The following LMBR1 variants were observed in gnomAD, a reference collection of about 807,000 sequenced individuals.
LMBR1 encodes limb region 1 protein homolog.
LMBR1 carries 52 observed loss-of-function variants against 73.9 expected under a neutral mutation model. The observed-to-expected ratio is 0.70, with a 90% confidence interval of 0.56 to 0.89. The LOEUF (loss-of-function observed/expected upper bound fraction) is 0.89, where lower values mean the gene tolerates loss of function less well. LMBR1 is among the 40% of genes least tolerant of loss of function. The pLI is 0.00. For synonymous variants in LMBR1, 215 were observed against 209.4 expected (o/e 1.03, Z -0.23); for missense variants, 539 against 579.8 (o/e 0.93, Z 0.72).
At position 156,806,615 on chromosome 7, in the gene LMBR1, T is replaced by C. The variant is rs1258582560; in HGVS notation, c.320-10123A>G. ...TGTAGATGCTTTTTTTTTTTTTTTTTTTTTTTTTTTTTGAGACGGAGTCTC... is the reference window on the plus strand; with the variant it reads ...TGTAGATGCTTTTTTTTTTTTTTTTCTTTTTTTTTTTTGAGACGGAGTCTC... On this transcript the variant is annotated intron_variant, in intron 4 of 16. Transcript: ENST00000353442. Among the ~76,000 whole-genome samples, 12 of 137,676 alleles carry C rather than the reference T, an allele frequency of 8.7e-5. 1 individual carries two copies. The highest frequency in any genetic ancestry group is 8.7e-4 in the Admixed American group (12 of 13,834). The allele number at this position is 137,676 out of a possible 152,430, so 90.3% of individuals were successfully genotyped here. A position where few individuals can be genotyped will look rare whatever the true frequency, so the allele number is the denominator to read the frequency against.
At chr7:156,840,248 G>T (rs1022350664) in intron 1 of LMBR1, among the ~76,000 whole-genome samples, 1 of 152,116 alleles carries the variant, frequency 6.6e-6, no homozygotes, top group Non-Finnish European at 1.5e-5. Flanking sequence ...GCGAGAAAAA[G>T]ACAATAAATA....
intron 3 of LMBR1, chr7:156,833,337 T>A (rs1180581506): frequency 6.3e-6 from 1 of 158,570 alleles, no homozygotes; most frequent in Non-Finnish European, 1.4e-5. Flanking sequence ...ATCTCACCGG[T>A]GTACATAAGG....
chr7:156,824,097 AAC>A (rs1403482672), intron 4 of LMBR1, among the ~76,000 whole-genome samples: 3 of 42,366 alleles, frequency 7.1e-5, no homozygotes, highest in East Asian at 2.3e-3. Flanking sequence ...CTCAAAAAAC[AAC>A]AACAACAACA....
intron 3 of LMBR1, among the ~76,000 whole-genome samples, chr7:156,831,857 C>A (rs1836756824): frequency 6.6e-6 from 1 of 152,216 alleles, no homozygotes; most frequent in South Asian, 2.1e-4. Context: ...CCACAGGTGG[C>A]ACACAGACTG....
intron 4 of LMBR1, among the ~76,000 whole-genome samples, chr7:156,814,395 C>G (rs1169833526): frequency 1.3e-5 from 2 of 152,218 alleles, no homozygotes; most frequent in Non-Finnish European, 2.9e-5. Flanking sequence ...AGCCTGCAAT[C>G]AGTTTTGTAA....
At chr7:156,837,503 A>G (rs1302548249) in intron 1 of LMBR1, among the ~76,000 whole-genome samples, 1 of 151,974 alleles carries the variant, frequency 6.6e-6, no homozygotes, top group Non-Finnish European at 1.5e-5. Flanking sequence ...TCAGACCATC[A>G]CCACTGACAA....
intron 15 of LMBR1, among the ~76,000 whole-genome samples, chr7:156,710,105 C>T (rs538623723): frequency 3.1e-4 from 47 of 151,850 alleles, no homozygotes; most frequent in African/African-American, 8.2e-4. Context: ...CGGGGTTTCA[C>T]CATGTCAGCC....
rs1009202540 is a variant in LMBR1 at position 156,769,025 on chromosome 7, CTGTTTATA to C, written c.424-5238_424-5231del. On this transcript the variant is annotated intron_variant, in intron 5 of 16. Transcript: ENST00000353442. ...TCGCTTCTCCTCCTGGGGCCCTATA[CTGTTTATA>C]TTGGGCCAAAGGGAAGGCACAGTCC... 3.3e-5 allele frequency among the ~76,000 whole-genome samples: 5 copies of C among 152,318 alleles called. No homozygotes were observed. Among genetic ancestry groups the C allele is most frequent in the Admixed American group, 1.3e-4 (2 of 15,308 alleles).
chr7:156,684,797 A>G (rs566593402), intron 16 of LMBR1, among the ~76,000 whole-genome samples: 25 of 152,170 alleles, frequency 1.6e-4, no homozygotes, highest in Non-Finnish European at 2.6e-4. Flanking sequence ...TGTTCATGAA[A>G]AACACAAAAA....
At chr7:156,712,490 G>C (rs1016682875) in intron 15 of LMBR1, among the ~76,000 whole-genome samples, 1 of 152,210 alleles carries the variant, frequency 6.6e-6, no homozygotes, top group South Asian at 2.1e-4. Context: ...ACTACCATCT[G>C]ATCCAGCAAT....
downstream of LMBR1, chr7:156,675,935 G>A (rs1017349362): frequency 3.4e-6 from 5 of 1,469,362 alleles, no homozygotes; most frequent in Admixed American, 5.2e-5. Context: ...AGTGGCATGT[G>A]GGGGGAGGTC....
At chr7:156,834,339 A>C (rs946945381) in intron 2 of LMBR1, 1 of 155,508 alleles carries the variant, frequency 6.4e-6, no homozygotes, top group Non-Finnish European at 1.4e-5. Context: ...AATGGCTCAC[A>C]CCTGTAATCC....
chr7:156,788,636 A>AG (rs927873982), intron 5 of LMBR1, among the ~76,000 whole-genome samples: 4 of 151,932 alleles, frequency 2.6e-5, no homozygotes, highest in African/African-American at 9.7e-5. Flanking sequence ...GAAAAAAAAA[A>AG]TACTCATAAA....
intron 15 of LMBR1, among the ~76,000 whole-genome samples, chr7:156,712,150 C>T (rs924418185): frequency 6.6e-6 from 1 of 151,968 alleles, no homozygotes; most frequent in Non-Finnish European, 1.5e-5. Context: ...AACTCAACAA[C>T]AATAACAAAA....
rs373790291 is a variant in LMBR1, at chr7:156,713,995, G to A, written c.1225+10117C>T. On this transcript the variant is annotated intron_variant, in intron 15 of 16. Transcript: ENST00000353442. ...ATGTACTACAGAAGCTACAAAGTAAGTATGTAAGACATTTATTCCCTTCAC... is the reference window on the plus strand; with the variant it reads ...ATGTACTACAGAAGCTACAAAGTAAATATGTAAGACATTTATTCCCTTCAC... Among the ~76,000 whole-genome samples the A allele has an allele frequency of 3.9e-5, 6 of 152,324 alleles. No homozygotes were observed. The South Asian group carries it at 1.2e-3, about 32-fold the overall frequency.
intron 5 of LMBR1, among the ~76,000 whole-genome samples, chr7:156,774,312 T>C (rs1171044207): frequency 1.3e-5 from 2 of 152,224 alleles, no homozygotes; most frequent in Non-Finnish European, 2.9e-5. Context: ...TGGCGACTTC[T>C]CAAAGAACTT....
chr7:156,789,491 C>G (rs1217683570), intron 5 of LMBR1, among the ~76,000 whole-genome samples: 4 of 152,166 alleles, frequency 2.6e-5, no homozygotes, highest in African/African-American at 9.7e-5. Context: ...TATAAATACA[C>G]AACTTCTATT....
At position 156,893,139 on chromosome 7, in the gene LMBR1, G is replaced by A. The variant is rs751044177; in HGVS notation, c.-146C>T. ...GTGTTGGAACAGGTACCGCGACCAC[G>A]ACACCGGCCGTCGCCTCAGCAGCCT... On this transcript the variant is annotated 5_prime_UTR_variant, in exon 1 of 17. Transcript: ENST00000353442. 1.5e-3 allele frequency: 1,082 copies of A among 708,826 alleles called. 1 individual carries two copies. Among genetic ancestry groups the A allele is most frequent in the Non-Finnish European group, 1.9e-3 (941 of 501,568 alleles). 43.9% of individuals were successfully genotyped at this position (708,826 alleles called of 1,614,324 possible).
At chr7:156,765,783 A>C (rs1301788231) in intron 5 of LMBR1, among the ~76,000 whole-genome samples, 1 of 152,182 alleles carries the variant, frequency 6.6e-6, no homozygotes, top group East Asian at 1.9e-4. Flanking sequence ...CCAGCCCCTA[A>C]GAAATATATG....
Sources: gnomAD v4.1 joint callset for allele counts (sites outside exome capture counted in the v4.1 genomes callset) on GRCh38, gnomAD v4.1.1 for gene constraint, MANE v1.5 for transcripts, NCBI Gene and HGNC (gene_info 2026-07-23, HGNC 2026-07-21) for gene names.